The following GLO1 variants were observed in gnomAD, a reference collection of about 807,000 sequenced individuals.
GLO1 encodes lactoylglutathione lyase.
GLO1 carries 28 observed loss-of-function variants against 26.0 expected under a neutral mutation model. The ratio of observed to expected loss-of-function variants is 1.08; its 90% confidence interval spans 0.80 to 1.48. The LOEUF (loss-of-function observed/expected upper bound fraction) is 1.48. Ranked by LOEUF, GLO1 falls within the 40% of genes most tolerant of loss-of-function variation. The probability of loss-of-function intolerance (pLI) is 0.00; values close to 1 mark genes in which losing one functional copy is unlikely to be tolerated. For synonymous variants in GLO1, 78 were observed against 77.6 expected, an observed-to-expected ratio of 1.00 and a Z score of -0.03; for missense variants, 225 against 224.8, an observed-to-expected ratio of 1.00 and a Z score of -0.01.
chr6:38,694,152 T>C (rs1761574930), intron 1 of GLO1, among the ~76,000 whole-genome samples: 1 of 152,196 alleles, frequency 6.6e-6, no homozygotes, highest in Non-Finnish European at 1.5e-5. Flanking sequence ...TTAATTCCAC[T>C]GTTGCTGAAG....
Position 38,695,327 on chromosome 6 carries a change from G to A in GLO1, c.84+7644C>T, listed in dbSNP as rs542212325. 3.3e-4 allele frequency among the ~76,000 whole-genome samples: 50 copies of A among 151,388 alleles called. 1 individual carries two copies. Among genetic ancestry groups the A allele is most frequent in the East Asian group, 7.8e-4 (4 of 5,148 alleles). On this transcript the variant is annotated intron_variant, in intron 1 of 5. Transcript: ENST00000373365. ...ACATATGGCATATATATACATATAC[G>A]CATACACATATATACAGACATACAT...
chr6:38,702,788 C>G (rs545115575), intron 1 of GLO1, among the ~76,000 whole-genome samples, 183 bp downstream of exon 1: 3 of 152,136 alleles, frequency 2.0e-5, no homozygotes, highest in Non-Finnish European at 4.4e-5. Context: ...GGCAACAGAT[C>G]CCCTCCACAC....
chr6:38,686,209 A>G (rs1453910990), intron 2 of GLO1, among the ~76,000 whole-genome samples: 4 of 152,220 alleles, frequency 2.6e-5, no homozygotes, highest in Non-Finnish European at 5.9e-5. Context: ...CAAATTTTCT[A>G]AATATAGACA....
At chr6:38,678,348 AAG>A (rs1487015268) in intron 5 of GLO1, among the ~76,000 whole-genome samples, 4 of 148,540 alleles carry the variant, frequency 2.7e-5, no homozygotes, top group East Asian at 2.0e-4. Context: ...GAAAGAGAGA[AAG>A]AGAGAAGGAA....
At chr6:38,679,785 C>T (rs1239320983) in intron 5 of GLO1, among the ~76,000 whole-genome samples, 1 of 136,192 alleles carries the variant, frequency 7.3e-6, no homozygotes, top group South Asian at 2.3e-4. Flanking sequence ...CAGAGCAAGA[C>T]TCTGTCTCAA....
chr6:38,699,818 GACAAT>G (rs1286173623), intron 1 of GLO1, among the ~76,000 whole-genome samples: 2 of 152,156 alleles, frequency 1.3e-5, no homozygotes, highest in Non-Finnish European at 2.9e-5. Flanking sequence ...TGTTTATCAA[GACAAT>G]ACGTGCACTG....
chr6:38,690,570 T>C (rs1761515751), intron 1 of GLO1, among the ~76,000 whole-genome samples: 1 of 152,158 alleles, frequency 6.6e-6, no homozygotes, highest in African/African-American at 2.4e-5. Context: ...CACATGCATA[T>C]GAAAACAAAT....
chr6:38,680,296 C>A (rs1316778894), intron 5 of GLO1, among the ~76,000 whole-genome samples: 2 of 151,692 alleles, frequency 1.3e-5, no homozygotes, highest in Non-Finnish European at 2.9e-5. Context: ...CTGAGGCAGG[C>A]GGATCACCTG....
rs775933190 is a variant in GLO1 at position 38,682,849 on chromosome 6, G to A, written c.335C>T (p.Thr112Ile). 4.4e-6 allele frequency: 7 copies of A among 1,605,322 alleles called. No individual in the cohort carries two copies. In the Admixed American group the frequency reaches 1.0e-4, roughly 23 times the overall value. ...TGAATTGCCATTGTGGTAACTCTGG[G>A]TCTCATCATCTTCAGTGCCCCAATT... ...THNWGTEDDE[T>I]QSYHNGNSDP... Residue 112 changes from threonine (T) to isoleucine (I), a missense_variant, in exon 4 of 6, where the codon ACC (threonine) becomes ATC (isoleucine). Physicochemically the swap from Thr to Ile is moderately conservative, Grantham distance 89. Transcript: ENST00000373365.
At position 38,682,945 on chromosome 6, in the gene GLO1, T is replaced by C. The variant is rs562249614; in HGVS notation, c.309-70A>G. On this transcript the variant is annotated intron_variant, in intron 3 of 5. Coordinates refer to ENST00000373365, the MANE Select transcript of GLO1 (RefSeq NM_006708.3). ...ATATTCTGAAAAGCAAGTAACATCT[T>C]TGAAATCTTACCACGTTTATATGCT... 6.8e-5 allele frequency: 62 copies of C among 915,092 alleles called. No individual in the cohort carries two copies. In the East Asian group the frequency reaches 1.2e-3, roughly 17 times the overall value. 56.7% of individuals were successfully genotyped at this position (915,092 alleles called of 1,614,324 possible). A position where few individuals can be genotyped will look rare whatever the true frequency, so the allele number is the denominator to read the frequency against.
intron 3 of GLO1, 122 bp downstream of exon 3, chr6:38,684,252 A>G (rs1761430068): frequency 2.6e-6 from 1 of 384,430 alleles, no homozygotes; most frequent in Non-Finnish European, 4.4e-6. Context: ...ATATTATTAA[A>G]AATGTGAAGT....
At chr6:38,693,893 G>A (rs1374489017) in intron 1 of GLO1, among the ~76,000 whole-genome samples, 1 of 151,904 alleles carries the variant, frequency 6.6e-6, no homozygotes, top group East Asian at 1.9e-4. Flanking sequence ...TGTGTTTTTA[G>A]TAGAGACGGG....
At chr6:38,701,571 T>A (rs1761698116) in intron 1 of GLO1, among the ~76,000 whole-genome samples, 1 of 152,210 alleles carries the variant, frequency 6.6e-6, no homozygotes, top group Non-Finnish European at 1.5e-5. Flanking sequence ...AGTGACTCAA[T>A]TTACATTATA....
chr6:38,690,601 GATTA>G (rs765556082), intron 1 of GLO1, among the ~76,000 whole-genome samples: 78 of 152,122 alleles, frequency 5.1e-4, no homozygotes, highest in Non-Finnish European at 3.4e-4. Flanking sequence ...ATGCTATTGA[GATTA>G]ATTATATCTT....
chr6:38,697,919 A>G (rs990887286), intron 1 of GLO1, among the ~76,000 whole-genome samples: 15 of 152,154 alleles, frequency 9.9e-5, no homozygotes, highest in African/African-American at 3.4e-4. Flanking sequence ...ATCTTTCCAT[A>G]AAGAAAACCC....
At chr6:38,689,296 C>T (rs1761500314) in intron 1 of GLO1, among the ~76,000 whole-genome samples, 1 of 152,202 alleles carries the variant, frequency 6.6e-6, no homozygotes, top group East Asian at 1.9e-4. Context: ...ATATTTCCAA[C>T]CAAGCTGCAC....
At chr6:38,682,965 T>C (rs1761404776) in intron 3 of GLO1, 90 bp from the exon 4 acceptor site, 5 of 801,120 alleles carry the variant, frequency 6.2e-6, no homozygotes, top group Non-Finnish European at 1.1e-5. Flanking sequence ...ACCACGTTTA[T>C]ATGCTACTTT....
chr6:38,698,042 GT>G (rs1174895769), intron 1 of GLO1, among the ~76,000 whole-genome samples: 2 of 152,186 alleles, frequency 1.3e-5, no homozygotes, highest in East Asian at 3.9e-4. Flanking sequence ...AACACCAACG[GT>G]TATCACCACT....
rs145158912 is a variant in GLO1, at chr6:38,682,101, C to A, written c.377G>T (p.Gly126Val). 5.9e-6 allele frequency: 9 copies of A among 1,532,636 alleles called. No homozygotes were observed. In the African/African-American group the frequency reaches 1.2e-4, roughly 21 times the overall value. 94.9% of individuals were successfully genotyped at this position (1,532,636 alleles called of 1,614,324 possible). A position where few individuals can be genotyped will look rare whatever the true frequency, so the allele number is the denominator to read the frequency against. ...ATCAGGAACAGCAATTCCAATATGACCTTACGTGATACCCCCCGAAAAAAG... is the reference window on the plus strand; with the variant it reads ...ATCAGGAACAGCAATTCCAATATGAACTTACGTGATACCCCCCGAAAAAAG... ...HNGNSDPRGFGHIGIAVPDVY... is the reference protein window; with the variant it reads ...HNGNSDPRGFVHIGIAVPDVY... The change falls in exon 5 of 6, where the codon GGT (glycine) becomes GTT (valine). Residue 126 changes from glycine to valine, a missense_variant and splice_region_variant. Transcript: ENST00000373365.
Sources: allele counts gnomAD v4.1 joint callset (sites outside exome capture counted in the v4.1 genomes callset), GRCh38; gene constraint gnomAD v4.1.1; transcripts MANE v1.5; gene names NCBI Gene and HGNC (gene_info 2026-07-23, HGNC 2026-07-21).